The following UNC13B variants were observed in gnomAD, a reference collection of about 807,000 sequenced individuals.
UNC13B encodes the protein unc-13 homolog B.
A neutral mutation model predicts 211.0 loss-of-function variants in UNC13B; 144 were observed. The observed-to-expected ratio is 0.68, with a 90% CI of 0.60 to 0.78. The LOEUF is 0.78. Among genes scored for constraint, UNC13B ranks in the 30% least tolerant of loss-of-function variants. UNC13B has a pLI of 0.00. For synonymous variants in UNC13B, 709 were observed against 725.8 expected (o/e 0.98, Z 0.37); for missense variants, 1,777 against 2,002.0 (o/e 0.89, Z 2.14).
chr9:35,310,447 T>C lies in UNC13B; in HGVS notation c.9009-20T>C. 1.2e-6 allele frequency: 2 copies of C among 1,609,514 alleles called. No individual in the cohort carries two copies. Among genetic ancestry groups the C allele is most frequent in the Non-Finnish European group, 1.7e-6 (2 of 1,176,594 alleles). ...CTGATTGCATTTATTTACTTATCTG[T>C]CTTTCTGTCATTCTCACAGCCCCAC... is the stretch of plus-strand genomic sequence containing the variant. On this transcript the variant is annotated intron_variant, in intron 9 of 39. Coordinates refer to ENST00000635942, the MANE Select transcript of UNC13B (RefSeq NM_001371189.2).
At chr9:35,337,674 G>T (rs1831739713) in intron 11 of UNC13B, among the ~76,000 whole-genome samples, 1 of 152,220 alleles carries the variant, frequency 6.6e-6, no homozygotes, top group African/African-American at 2.4e-5. Flanking sequence ...GGAGAATCCT[G>T]TAGGGAAAAA....
intron 8 of UNC13B, among the ~76,000 whole-genome samples, chr9:35,297,171 C>A (rs970897542): frequency 2.7e-5 from 4 of 149,404 alleles, no homozygotes; most frequent in Admixed American, 1.4e-4. Flanking sequence ...TCACTACAAC[C>A]TCAGCATCCC....
rs1484956047 is a variant in UNC13B at position 35,399,029 on chromosome 9, T to C, written c.12069T>C (p.Asp4023=). 2 of 1,613,814 alleles carry C rather than the reference T, an allele frequency of 1.2e-6. No homozygotes were observed. The highest frequency in any genetic ancestry group is 2.2e-5 in the South Asian group (2 of 91,086). ...TCCGGCCTCTCATGGACTTCCTGGA[T>C]GGCAAGTGAGTACAGCATTCAGGAC... ...SVLRPLMDFL[D]GNLTLFATVC... The change falls in exon 33 of 40, where the codon GAT becomes GAC. Residue 4023 remains aspartate (D), a synonymous_variant. Coordinates refer to ENST00000635942, the MANE Select transcript of UNC13B (RefSeq NM_001371189.2).
intron 6 of UNC13B, among the ~76,000 whole-genome samples, chr9:35,248,737 C>T (rs1412457987): frequency 6.6e-6 from 1 of 152,132 alleles, no homozygotes; most frequent in Non-Finnish European, 1.5e-5. Flanking sequence ...GTTATAATTT[C>T]TGTTCTTTTA....
chr9:35,380,046 T>C (rs1320111310), intron 17 of UNC13B, among the ~76,000 whole-genome samples: 1 of 152,186 alleles, frequency 6.6e-6, no homozygotes, highest in African/African-American at 2.4e-5. Context: ...TATAACCCTA[T>C]GGGCCTACCA....
In UNC13B at chr9:35,261,522, A is replaced by G. The variant is rs1827271792; in HGVS notation, c.526+2472A>G. ...TACATAGTAGGTATTTATGGAATAC[A>G]TGAGTATTTTGATACGGGCATACAA... On this transcript the variant is annotated intron_variant, in intron 7 of 39. Transcript: ENST00000635942. Among the ~76,000 whole-genome samples the G allele has an allele frequency of 3.3e-5, 5 of 152,224 alleles. No individual in the cohort carries two copies. The South Asian group carries it at 1.0e-3, about 32-fold the overall frequency.
chr9:35,210,837 T>G (rs1393381332), intron 1 of UNC13B, among the ~76,000 whole-genome samples: 1 of 152,192 alleles, frequency 6.6e-6, no homozygotes, highest in African/African-American at 2.4e-5. Flanking sequence ...AAACTTATCT[T>G]TGATGGACTC....
At chr9:35,278,554 G>A (rs1419992244) in intron 7 of UNC13B, among the ~76,000 whole-genome samples, 4 of 151,098 alleles carry the variant, frequency 2.6e-5, no homozygotes, top group African/African-American at 9.7e-5. Flanking sequence ...ATCCCAGAAG[G>A]CATAGGTCCC....
intron 1 of UNC13B, among the ~76,000 whole-genome samples, chr9:35,211,858 G>A (rs1455553334): frequency 6.6e-6 from 1 of 152,166 alleles, no homozygotes; most frequent in Non-Finnish European, 1.5e-5. Flanking sequence ...CTACCCCGGA[G>A]GCTGAGGCGG....
chr9:35,404,843 G>A lies in UNC13B; in HGVS notation c.*810G>A, dbSNP rs12726. On this transcript the variant is annotated 3_prime_UTR_variant, in exon 40 of 40. Coordinates refer to ENST00000635942, the MANE Select transcript of UNC13B (RefSeq NM_001371189.2). The stretch of plus-strand genomic sequence containing the variant: ...TGAGGGCTAGTTGAAGGATCCAGGA[G>A]TATTTTCTTCTTGGGTGGGCCCTGA... 0.16 allele frequency: 24,813 copies of A among 152,600 alleles called. 2,798 individuals are homozygous for A. Among genetic ancestry groups the A allele is most frequent in the Non-Finnish European group, 0.24 (16,195 of 68,004 alleles). The allele number at this position is 152,600 out of a possible 1,614,324, so 9.5% of individuals were successfully genotyped here. A position where few individuals can be genotyped will look rare whatever the true frequency, so the allele number is the denominator to read the frequency against.
rs1264423328 is a variant in UNC13B, at chr9:35,400,308, G to A, written c.12349G>A (p.Ala4117Thr). ...ALDTIKQYFH[A>T]GGNGLKKTFL... Reference sequence around the variant, plus strand: ...TTTTATCTTGCAGCAATACTTCCATGCAGGAGGCAATGGGCTGAAGAAAAC... The same window carrying A: ...TTTTATCTTGCAGCAATACTTCCATACAGGAGGCAATGGGCTGAAGAAAAC... Residue 4117 changes from alanine to threonine, a missense_variant, in exon 37 of 40, where the codon GCA becomes ACA. Coordinates refer to ENST00000635942, the MANE Select transcript of UNC13B (RefSeq NM_001371189.2). The A allele has an allele frequency of 3.1e-6, 5 of 1,614,016 alleles. No homozygotes were observed. The highest frequency in any genetic ancestry group is 3.3e-5 in the Admixed American group (2 of 60,018).
chr9:35,310,199 C>T (rs1298289928), intron 9 of UNC13B, among the ~76,000 whole-genome samples: 1 of 152,148 alleles, frequency 6.6e-6, no homozygotes, highest in Non-Finnish European at 1.5e-5. Flanking sequence ...CACAAATAGC[C>T]TATTAAGATA....
Position 35,376,091 on chromosome 9 carries a change from C to T in UNC13B, c.9679C>T (p.His3227Tyr), listed in dbSNP as rs1268574001. 6.2e-7 allele frequency: 1 copy of T among 1,614,270 alleles called. No individual in the cohort carries two copies. The highest frequency in any genetic ancestry group is 8.5e-7 in the Non-Finnish European group (1 of 1,180,054). The stretch of plus-strand genomic sequence containing the variant: ...CTACCCCATTTCGTGCACCACTCCT[C>T]ATAACTTTGAGGTCTGGACGGCCAC... ...LIYPISCTTP[H>Y]NFEVWTATTP... Residue 3227 changes from histidine to tyrosine, a missense_variant, in exon 15 of 40, where the codon CAT (histidine) becomes TAT (tyrosine). By Grantham distance (83) the His-to-Tyr change is moderately conservative. Coordinates refer to ENST00000635942, the MANE Select transcript of UNC13B (RefSeq NM_001371189.2).
chr9:35,302,195 A>G lies in UNC13B; in HGVS notation c.2791A>G (p.Ser931Gly). The change falls in exon 9 of 40, where the codon AGT (serine) becomes GGT (glycine). Residue 931 changes from serine (S) to glycine (G), a missense_variant. By Grantham distance (56) the Ser-to-Gly change is moderately conservative (BLOSUM62 0). Transcript: ENST00000635942. ...TACCAAACATAGTTCAATAAAATCTAGTTCTGTTCCAAATATTCATAGTGA... is the reference window on the plus strand; with the variant it reads ...TACCAAACATAGTTCAATAAAATCTGGTTCTGTTCCAAATATTCATAGTGA... ...EDTKHSSIKS[S>G]SVPNIHSDLG... 1 of 398,824 alleles carries G rather than the reference A, an allele frequency of 2.5e-6. No individual in the cohort carries two copies. 24.7% of individuals were successfully genotyped at this position (398,824 alleles called of 1,614,324 possible).
chr9:35,274,803 T>A (rs894183066), intron 7 of UNC13B, among the ~76,000 whole-genome samples: 2 of 152,154 alleles, frequency 1.3e-5, no homozygotes, highest in African/African-American at 4.8e-5. Context: ...GGCTATTTAG[T>A]CCCTACACCA....
intron 6 of UNC13B, among the ~76,000 whole-genome samples, chr9:35,251,503 C>T (rs1377563466): frequency 6.6e-6 from 1 of 152,110 alleles, no homozygotes; most frequent in Non-Finnish European, 1.5e-5. Context: ...AGGAGAATCA[C>T]TTGAACCTAG....
chr9:35,213,746 A>G (rs558799540), intron 1 of UNC13B, among the ~76,000 whole-genome samples: 15 of 152,296 alleles, frequency 9.8e-5, no homozygotes, highest in Admixed American at 2.0e-4. Flanking sequence ...GGATGGGGGA[A>G]AAAGTGTCTG....
chr9:35,362,771 G>T (rs1261908586), intron 11 of UNC13B, among the ~76,000 whole-genome samples: 1 of 144,796 alleles, frequency 6.9e-6, no homozygotes, highest in Non-Finnish European at 1.5e-5. Context: ...CTGCACTCTA[G>T]CCTGGGCAAT....
chr9:35,171,236 G>A (rs1821315563), intron 1 of UNC13B, among the ~76,000 whole-genome samples: 1 of 151,988 alleles, frequency 6.6e-6, no homozygotes, highest in South Asian at 2.1e-4. Flanking sequence ...CAAGTAGGTG[G>A]GACTACAGGT....
Sources: allele counts gnomAD v4.1 joint callset (sites outside exome capture counted in the v4.1 genomes callset), GRCh38; gene constraint gnomAD v4.1.1; transcripts MANE v1.5; gene names NCBI Gene and HGNC (gene_info 2026-07-23, HGNC 2026-07-21).